DYM: variants seen among roughly 807,000 people sequenced by gnomAD.
The protein encoded by DYM is dyggve-Melchior-Clausen syndrome protein.
Under a neutral mutation model 93.1 loss-of-function variants are expected in DYM, and 78 were observed. The observed-to-expected ratio is 0.84, with a 90% CI of 0.70 to 1.01. DYM has a LOEUF of 1.01. DYM is among the 50% of genes least tolerant of loss of function. The pLI is 0.00. For synonymous variants in DYM, 321 were observed against 319.7 expected (o/e 1.00, Z -0.04); for missense variants, 789 against 845.0 (o/e 0.93, Z 0.82).
chr18:49,360,958 G>T (rs560618897), intron 6 of DYM, among the ~76,000 whole-genome samples: 15 of 152,300 alleles, frequency 9.8e-5, no homozygotes, highest in Admixed American at 4.6e-4. Context: ...CCACATTCCA[G>T]GAAGGAAGAG....
At chr18:49,317,991 T>C (rs2062146383) in intron 8 of DYM, among the ~76,000 whole-genome samples, 1 of 152,078 alleles carries the variant, frequency 6.6e-6, no homozygotes, top group Admixed American at 6.5e-5. Context: ...TAAGAACCAA[T>C]GGCTACCCAG....
intron 17 of DYM, among the ~76,000 whole-genome samples, chr18:49,078,325 TTG>T (rs2077485034): frequency 6.6e-6 from 1 of 152,156 alleles, no homozygotes; most frequent in African/African-American, 2.4e-5. Context: ...TTATTTCACG[TTG>T]CATGCCTGTA....
intron 16 of DYM, chr18:49,114,534 TC>T: frequency 1.0e-6 from 1 of 984,528 alleles, no homozygotes; most frequent in Non-Finnish European, 1.2e-6. Flanking sequence ...CTTCCTCACC[TC>T]CACTCTGCTT....
At chr18:49,200,147 A>G (rs549716996) in intron 14 of DYM, among the ~76,000 whole-genome samples, 3 of 152,232 alleles carry the variant, frequency 2.0e-5, no homozygotes, top group Non-Finnish European at 4.4e-5. Flanking sequence ...TAGTAGAGGG[A>G]AAAAAGGAAA....
chr18:49,165,919 A>G (rs1429904009), intron 14 of DYM, among the ~76,000 whole-genome samples: 1 of 152,206 alleles, frequency 6.6e-6, no homozygotes, highest in East Asian at 1.9e-4. Flanking sequence ...ACTTCCAAAT[A>G]GAAGGCAAAG....
chr18:49,289,723 ATGTG>A (rs374087638), intron 8 of DYM, among the ~76,000 whole-genome samples: 35 of 36,768 alleles, frequency 9.5e-4, no homozygotes, highest in African/African-American at 2.1e-3. Flanking sequence ...ATATATATAT[ATGTG>A]TATATATATA....
At chr18:49,327,401 G>A (rs534259582) in intron 8 of DYM, among the ~76,000 whole-genome samples, 1 of 152,100 alleles carries the variant, frequency 6.6e-6, no homozygotes, top group African/African-American at 2.4e-5. Context: ...CTGTCACTCA[G>A]GCTGGAGTGC....
chr18:49,339,926 TTTTTTTGGGG>T (rs1275863349), intron 6 of DYM, among the ~76,000 whole-genome samples: 1 of 150,988 alleles, frequency 6.6e-6, no homozygotes, highest in Non-Finnish European at 1.5e-5. Flanking sequence ...AGGTTTTGGG[TTTTTTTGGGG>T]TTTTTTGTTT....
At position 49,036,925 on chromosome 18, in the gene DYM, G is replaced by A. The variant is rs533268974; in HGVS notation, c.*7130C>T. Among the ~76,000 whole-genome samples the A allele has an allele frequency of 1.1e-4, 16 of 151,894 alleles. No individual in the cohort carries two copies. Among genetic ancestry groups the A allele is most frequent in the Admixed American group, 3.9e-4 (6 of 15,258 alleles). The stretch of plus-strand genomic sequence containing the variant: ...TTCTTTTATTTATTTATTTTGGGAC[G>A]GAGTCTCGCTCTGTTGCCCAGGCTG... On this transcript the variant is annotated 3_prime_UTR_variant, in exon 18 of 18. Transcript: ENST00000675505.
rs143337583 is a variant in DYM, at chr18:49,189,281, C to T, written c.1625+20270G>A. 2.0e-3 allele frequency among the ~76,000 whole-genome samples: 299 copies of T among 152,212 alleles called. 4 individuals are homozygous for T. The East Asian group carries it at 0.031, about 16-fold the overall frequency. On this transcript the variant is annotated intron_variant, in intron 14 of 17. Transcript: ENST00000675505. ...TCATGCAATATATCCTTGTAACAAA[C>T]CTGAATGTATTCCCTGAATCGAAAA...
At chr18:49,098,830 A>G (rs2079829709) in intron 16 of DYM, among the ~76,000 whole-genome samples, 1 of 152,248 alleles carries the variant, frequency 6.6e-6, no homozygotes, top group Non-Finnish European at 1.5e-5. Context: ...TAGTGAATAA[A>G]TATCTGAAAA....
chr18:49,076,045 G>A (rs2077274922), intron 17 of DYM, among the ~76,000 whole-genome samples: 1 of 152,168 alleles, frequency 6.6e-6, no homozygotes, highest in Non-Finnish European at 1.5e-5. Context: ...TACTGTACAG[G>A]CAGTATAACA....
chr18:49,221,826 G>C (rs1345463032), intron 13 of DYM, among the ~76,000 whole-genome samples: 1 of 151,808 alleles, frequency 6.6e-6, no homozygotes, highest in Non-Finnish European at 1.5e-5. Flanking sequence ...TTAATGGGTG[G>C]AGCACACCAG....
chr18:49,287,324 C>CAT (rs2059729206), intron 8 of DYM, among the ~76,000 whole-genome samples: 2 of 149,694 alleles, frequency 1.3e-5, no homozygotes. Flanking sequence ...TCCACATTTT[C>CAT]ATATATATAT....
intron 17 of DYM, among the ~76,000 whole-genome samples, chr18:49,067,626 T>C (rs933786996): frequency 2.6e-5 from 4 of 152,046 alleles, no homozygotes; most frequent in Admixed American, 2.6e-4. Context: ...TTCAGAGAAC[T>C]GGGAGGGATC....
At chr18:49,246,083 T>C (rs559012732) in intron 13 of DYM, among the ~76,000 whole-genome samples, 3 of 152,344 alleles carry the variant, frequency 2.0e-5, no homozygotes, top group East Asian at 1.9e-4. Flanking sequence ...AGGAGGAAAC[T>C]GAAGGACATT....
At position 49,392,681 on chromosome 18, in the gene DYM, T is replaced by TAAAAAAAAA. The variant is rs869086187; in HGVS notation, c.141-1045_141-1037dup. Among the ~76,000 whole-genome samples, 73 of 68,504 alleles carry TAAAAAAAAA rather than the reference T, an allele frequency of 1.1e-3. 4 individuals are homozygous for TAAAAAAAAA. Among genetic ancestry groups the TAAAAAAAAA allele is most frequent in the African/African-American group, 4.3e-3 (65 of 15,052 alleles). The allele number at this position is 68,504 out of a possible 152,430, so 44.9% of individuals were successfully genotyped here. The stretch of plus-strand genomic sequence containing the variant: ...CACACCCATTGGGATGGCTTTTATT[T>TAAAAAAAAA]AAAAAAAAAAAAAAAAAAAAAAAAA... On this transcript the variant is annotated intron_variant, in intron 2 of 17. Coordinates refer to ENST00000675505, the MANE Select transcript of DYM (RefSeq NM_001353214.3).
intron 15 of DYM, 24 bp downstream of exon 15, chr18:49,163,661 T>C: frequency 1.3e-6 from 2 of 1,552,192 alleles, no homozygotes; most frequent in East Asian, 2.3e-5. Flanking sequence ...AAATTTTTTA[T>C]TGATGAATAA....
chr18:49,196,289 C>T (rs2091443440), intron 14 of DYM, among the ~76,000 whole-genome samples: 1 of 152,144 alleles, frequency 6.6e-6, no homozygotes, highest in South Asian at 2.1e-4. Context: ...TACTGCTTCT[C>T]TAAGTCTATT....
Sources: gnomAD v4.1 joint callset for allele counts (sites outside exome capture counted in the v4.1 genomes callset) on GRCh38, gnomAD v4.1.1 for gene constraint, MANE v1.5 for transcripts, NCBI Gene and HGNC (gene_info 2026-07-23, HGNC 2026-07-21) for gene names.